Variants in TMPRSS4 observed in about 807,000 individuals in gnomAD.
TMPRSS4 encodes the protein transmembrane serine protease 4.
In TMPRSS4, 45 loss-of-function variants were observed where a neutral mutation model predicts 56.4. That is an observed-to-expected ratio of 0.80 (90% CI 0.63 to 1.02). TMPRSS4 has a LOEUF of 1.02. TMPRSS4 is among the 50% of genes least tolerant of loss of function. TMPRSS4 has a pLI of 0.00. For synonymous variants in TMPRSS4, 205 were observed against 211.0 expected, an observed-to-expected ratio of 0.97 and a Z score of 0.25; for missense variants, 546 against 556.7, an observed-to-expected ratio of 0.98 and a Z score of 0.19.
chr11:118,099,499 A>AAGAAAGAAAGAAAGAAAGAAAGAC lies in TMPRSS4; in HGVS notation c.157+404_157+405insAAGAAAGAAAGAAAGAAAGACAGA, dbSNP rs1555085874. Among the ~76,000 whole-genome samples the AAGAAAGAAAGAAAGAAAGAAAGAC allele has an allele frequency of 2.0e-3, 309 of 151,760 alleles. 1 individual carries two copies. The highest frequency in any genetic ancestry group is 3.5e-3 in the African/African-American group (143 of 41,342). The stretch of plus-strand genomic sequence containing the variant: ...AGAAAGAAAAAGAAAGAAAGAAAGA[A>AAGAAAGAAAGAAAGAAAGAAAGAC]AGACATGTATCCACCCCCTGCTTTG... On this transcript the variant is annotated intron_variant, in intron 3 of 12. Coordinates refer to ENST00000437212, the MANE Select transcript of TMPRSS4 (RefSeq NM_019894.4).
chr11:118,098,285 C>T (rs1177940893), intron 2 of TMPRSS4, among the ~76,000 whole-genome samples: 1 of 151,690 alleles, frequency 6.6e-6, no homozygotes, highest in Non-Finnish European at 1.5e-5. Context: ...GTGCCTCCGA[C>T]AGAGCTGAGC....
chr11:118,123,871 G>A (rs1947843701), downstream of TMPRSS4, among the ~76,000 whole-genome samples: 1 of 152,114 alleles, frequency 6.6e-6, no homozygotes, highest in Non-Finnish European at 1.5e-5. Flanking sequence ...GTAAGGCATG[G>A]GCTTTGACCA....
At chr11:118,113,246 A>T (rs1373201704) in intron 8 of TMPRSS4, 23 bp from the exon 9 acceptor site, 1 of 1,610,632 alleles carries the variant, frequency 6.2e-7, no homozygotes. Context: ...ATCAGGCCTG[A>T]ACCCAGCTGT....
chr11:118,109,080 T>A (rs921581227), intron 7 of TMPRSS4, among the ~76,000 whole-genome samples, 184 bp downstream of exon 7: 2 of 152,174 alleles, frequency 1.3e-5, no homozygotes. Context: ...CACATTCTTT[T>A]TCTGGGTCTT....
rs376220445 is a variant in TMPRSS4, at chr11:118,085,081, C to T, written c.3+7776C>T. 6.6e-5 allele frequency among the ~76,000 whole-genome samples: 10 copies of T among 152,236 alleles called. No individual in the cohort carries two copies. In the East Asian group the frequency reaches 7.7e-4, roughly 12 times the overall value. ...AATGTGCACGGTGCTGAGCAGGTGG[C>T]GCACCTTACAGAATCTTTCTCCCCA... On this transcript the variant is annotated intron_variant, in intron 1 of 12. Coordinates refer to ENST00000437212, the MANE Select transcript of TMPRSS4 (RefSeq NM_019894.4).
intron 1 of TMPRSS4, among the ~76,000 whole-genome samples, chr11:118,081,655 A>C (rs968112021): frequency 3.3e-5 from 5 of 152,200 alleles, no homozygotes; most frequent in Admixed American, 2.0e-4. Context: ...AATGTCCTGC[A>C]CATCAGTCTG....
At chr11:118,108,776 A>T (rs1000592909) in intron 6 of TMPRSS4, 80 bp from the exon 7 acceptor site, 1 of 1,486,068 alleles carries the variant, frequency 6.7e-7, no homozygotes, top group Non-Finnish European at 9.3e-7. Context: ...GACTTGAATT[A>T]ACAGCTTCGG....
At chr11:118,084,967 T>G (rs200026632) in intron 1 of TMPRSS4, among the ~76,000 whole-genome samples, 1 of 152,096 alleles carries the variant, frequency 6.6e-6, no homozygotes, top group East Asian at 1.9e-4. Context: ...CCCCTCAAAC[T>G]GCAAAGACCA....
rs749570267 is a variant in TMPRSS4 at position 118,113,444 on chromosome 11, C to G, written c.910+9C>G. On this transcript the variant is annotated intron_variant, in intron 9 of 12. Transcript: ENST00000437212. ...CCCACTCACTTTCTCAGGTGAGAAG[C>G]AGGGCCCAAGGCCACTCAAGCCTCT... is the stretch of plus-strand genomic sequence containing the variant. 1.1e-5 allele frequency: 18 copies of G among 1,613,550 alleles called. No homozygotes were observed. Among genetic ancestry groups the G allele is most frequent in the Non-Finnish European group, 1.4e-5 (17 of 1,179,638 alleles).
intron 7 of TMPRSS4, among the ~76,000 whole-genome samples, chr11:118,110,298 A>G (rs1947212905): frequency 6.6e-6 from 1 of 151,602 alleles, no homozygotes. Flanking sequence ...CATGGAAGAC[A>G]ATTTTTCCGC....
rs1274543445 is a variant in TMPRSS4 at position 118,118,044 on chromosome 11, G to T, written c.*131G>T. The T allele has an allele frequency of 1.9e-6, 3 of 1,553,410 alleles. No individual in the cohort carries two copies. Among genetic ancestry groups the T allele is most frequent in the Non-Finnish European group, 2.6e-6 (3 of 1,155,374 alleles). On this transcript the variant is annotated 3_prime_UTR_variant, in exon 13 of 13. Coordinates refer to ENST00000437212, the MANE Select transcript of TMPRSS4 (RefSeq NM_019894.4). Reference sequence around the variant, plus strand: ...TCTGCCCACAGCCTCAGCATTTCTTGGAGCAGCAAAGGGCCTCAATTCCTA... The same window carrying T: ...TCTGCCCACAGCCTCAGCATTTCTTTGAGCAGCAAAGGGCCTCAATTCCTA...
Position 118,121,605 on chromosome 11 carries a change from C to T in TMPRSS4, c.*3692C>T, listed in dbSNP as rs1190236981. 4 of 152,128 alleles carry T rather than the reference C, an allele frequency of 2.6e-5. No individual in the cohort carries two copies. The highest frequency in any genetic ancestry group is 9.7e-5 in the African/African-American group (4 of 41,412). The allele number at this position is 152,128 out of a possible 1,614,324, so 9.4% of individuals were successfully genotyped here. On this transcript the variant is annotated 3_prime_UTR_variant, in exon 13 of 13. Transcript: ENST00000437212. ...AACTCCCGACCTCAAGTGATCCCCCCGCCTCGGCCTCCCAAAGTGCTGGGA... is the reference window on the plus strand; with the variant it reads ...AACTCCCGACCTCAAGTGATCCCCCTGCCTCGGCCTCCCAAAGTGCTGGGA...
intron 7 of TMPRSS4, among the ~76,000 whole-genome samples, chr11:118,110,690 C>T (rs1942168101): frequency 1.3e-5 from 2 of 152,140 alleles, no homozygotes; most frequent in African/African-American, 2.4e-5. Context: ...TCATAAGGAA[C>T]GTACAGCATA....
intron 1 of TMPRSS4, among the ~76,000 whole-genome samples, chr11:118,077,507 A>G (rs1414416060): frequency 6.6e-6 from 1 of 152,130 alleles, no homozygotes; most frequent in East Asian, 1.9e-4. Flanking sequence ...CTCCATTGCC[A>G]TGGTCCTTGG....
In TMPRSS4 at chr11:118,093,824, C is replaced by CA. The variant is rs1555083624; in HGVS notation, c.4-992_4-991insA. 2.6e-5 allele frequency among the ~76,000 whole-genome samples: 4 copies of CA among 151,386 alleles called. No individual in the cohort carries two copies. In the East Asian group the frequency reaches 5.8e-4, roughly 22 times the overall value. ...TTCCTTCCAATAACTAACTGCCCCC[C>CA]CCAATGGTAACCACTATTCTGACTT... On this transcript the variant is annotated intron_variant, in intron 1 of 12. Transcript: ENST00000437212.
intron 1 of TMPRSS4, among the ~76,000 whole-genome samples, chr11:118,094,487 A>G (rs1159879902): frequency 6.6e-6 from 1 of 152,212 alleles, no homozygotes; most frequent in Admixed American, 6.5e-5. Flanking sequence ...GTATCTGTAA[A>G]CATAGACAAA....
At chr11:118,094,942 TCAC>T in intron 2 of TMPRSS4, 87 bp downstream of exon 2, 21 of 1,399,944 alleles carry the variant, frequency 1.5e-5, no homozygotes, top group Non-Finnish European at 1.9e-5. Flanking sequence ...CGCCTGGCCC[TCAC>T]CACCACCACC....
chr11:118,113,555 A>G, intron 9 of TMPRSS4, 120 bp downstream of exon 9: 1 of 1,166,674 alleles, frequency 8.6e-7, no homozygotes. Flanking sequence ...CAGCTTGCCC[A>G]TTTGTCTCTA....
chr11:118,106,827 C>T (rs980464064), intron 5 of TMPRSS4: 2 of 152,216 alleles, frequency 1.3e-5, no homozygotes, highest in African/African-American at 4.8e-5. Context: ...CTTGGAGAGA[C>T]CCAGAAAAAG....
Sources: allele counts gnomAD v4.1 joint callset (sites outside exome capture counted in the v4.1 genomes callset), GRCh38; gene constraint gnomAD v4.1.1; transcripts MANE v1.5; gene names NCBI Gene and HGNC (gene_info 2026-07-23, HGNC 2026-07-21).